Variants in ITGB5 observed in about 807,000 individuals in gnomAD.
ITGB5 encodes the protein integrin beta-5.
In ITGB5, 38 loss-of-function variants were observed where a neutral mutation model predicts 84.8. The observed-to-expected ratio is 0.45, with a 90% CI of 0.35 to 0.59. The LOEUF is 0.59. ITGB5 is among the 20% of genes least tolerant of loss of function. The pLI is 0.01. For synonymous variants in ITGB5, 393 were observed against 414.4 expected (o/e 0.95, Z 0.63); for missense variants, 905 against 1,034.5 (o/e 0.87, Z 1.72).
rs1226141549 is a variant in ITGB5 at position 124,809,021 on chromosome 3, C to T, written c.1263+1G>A. 1.2e-6 allele frequency: 2 copies of T among 1,613,768 alleles called. No individual in the cohort carries two copies. The highest frequency in any genetic ancestry group is 2.7e-5 in the African/African-American group (2 of 74,912). On this transcript the variant is annotated splice_donor_variant, in intron 9 of 14. Coordinates refer to ENST00000296181, the MANE Select transcript of ITGB5 (RefSeq NM_002213.5). LOFTEE classifies it high-confidence loss of function. ...TCATACAAACTTGGGGTGAGACTTA[C>T]CGTGTCCCCAATCTTCAGACCCTCA...
At chr3:124,824,087 T>G (rs929897665) in intron 5 of ITGB5, among the ~76,000 whole-genome samples, 1 of 152,198 alleles carries the variant, frequency 6.6e-6, no homozygotes, top group Non-Finnish European at 1.5e-5. Context: ...ACAAGCTGAT[T>G]ATAATATTTA....
rs900650622 is a variant in ITGB5, at chr3:124,762,728, A to ACTCT, written c.*891_*894dup. The ACTCT allele has an allele frequency of 6.8e-6, 1 of 146,002 alleles. No homozygotes were observed. The highest frequency in any genetic ancestry group is 7.0e-5 in the Admixed American group (1 of 14,368). The allele number at this position is 146,002 out of a possible 1,614,324, so 9.0% of individuals were successfully genotyped here. A position where few individuals can be genotyped will look rare whatever the true frequency, so the allele number is the denominator to read the frequency against. On this transcript the variant is annotated 3_prime_UTR_variant, in exon 15 of 15. Coordinates refer to ENST00000296181, the MANE Select transcript of ITGB5 (RefSeq NM_002213.5). ...TGGTTTTTATGGTGTCTAGCCTGGA[A>ACTCT]CTCTCTGTCAGTAAAAGCTGGAAGG...
chr3:124,881,105 T>C (rs1174076925), intron 1 of ITGB5, among the ~76,000 whole-genome samples: 1 of 151,744 alleles, frequency 6.6e-6, no homozygotes, highest in Non-Finnish European at 1.5e-5. Flanking sequence ...TGCCTCAGCC[T>C]CCTGAGTAGC....
intron 10 of ITGB5, among the ~76,000 whole-genome samples, chr3:124,788,107 C>A (rs1170539361): frequency 1.3e-5 from 2 of 152,004 alleles, no homozygotes; most frequent in South Asian, 2.1e-4. Flanking sequence ...GCTATGTTAC[C>A]CAGGCTGGTT....
intron 11 of ITGB5, chr3:124,770,015 T>C (rs1342182183): frequency 6.6e-6 from 1 of 152,234 alleles, no homozygotes; most frequent in East Asian, 1.9e-4. Context: ...CTTTATATCA[T>C]CAAAACCAAG....
intron 6 of ITGB5, among the ~76,000 whole-genome samples, chr3:124,820,397 A>G (rs2064682662): frequency 6.6e-6 from 1 of 152,192 alleles, no homozygotes; most frequent in South Asian, 2.1e-4. Context: ...GGGTGCAGAA[A>G]GAGGAAGAAG....
intron 9 of ITGB5, among the ~76,000 whole-genome samples, chr3:124,805,794 G>T (rs2064392981): frequency 6.6e-6 from 1 of 151,760 alleles, no homozygotes; most frequent in African/African-American, 2.4e-5. Flanking sequence ...TTGAGCCTTT[G>T]AGCCATTATA....
At chr3:124,878,873 T>C (rs1016493997) in intron 1 of ITGB5, among the ~76,000 whole-genome samples, 3 of 152,184 alleles carry the variant, frequency 2.0e-5, no homozygotes, top group African/African-American at 7.2e-5. Context: ...GTCTAGGTCA[T>C]GGAAACAGGA....
At chr3:124,880,122 G>A (rs148001376) in intron 1 of ITGB5, among the ~76,000 whole-genome samples, 1,963 of 152,230 alleles carry the variant, frequency 0.013, 57 homozygotes, top group African/African-American at 0.043. Context: ...TCTGACCAGT[G>A]CTTCTTAAAA....
At chr3:124,875,557 T>C (rs1934270957) in intron 1 of ITGB5, among the ~76,000 whole-genome samples, 1 of 151,672 alleles carries the variant, frequency 6.6e-6, no homozygotes, top group South Asian at 2.1e-4. Context: ...CTGTACACTG[T>C]TGGTGGGAAT....
chr3:124,813,763 C>T (rs1004238126), intron 8 of ITGB5, among the ~76,000 whole-genome samples: 1 of 152,196 alleles, frequency 6.6e-6, no homozygotes, highest in Admixed American at 6.5e-5. Flanking sequence ...TCCAGGCCTT[C>T]TGGGTTTTCA....
intron 2 of ITGB5, among the ~76,000 whole-genome samples, chr3:124,861,163 G>A (rs1443468757): frequency 6.6e-6 from 1 of 151,978 alleles, no homozygotes; most frequent in Non-Finnish European, 1.5e-5. Flanking sequence ...CTAAGCCTAC[G>A]GTATGTTTGT....
intron 7 of ITGB5, among the ~76,000 whole-genome samples, chr3:124,817,997 G>A (rs1405158438): frequency 3.3e-5 from 5 of 152,148 alleles, no homozygotes; most frequent in Middle Eastern, 6.8e-3. Context: ...CCCCTCCCAC[G>A]GTAACAGACA....
At chr3:124,888,646 C>G (rs1391995290), upstream of ITGB5, among the ~76,000 whole-genome samples, 3 of 152,168 alleles carry the variant, frequency 2.0e-5, no homozygotes, top group Admixed American at 1.3e-4. Flanking sequence ...GTTGAGGAAC[C>G]GAGGGACAGA....
chr3:124,886,694 C>T (rs1025806185), intron 1 of ITGB5, among the ~76,000 whole-genome samples: 9 of 151,970 alleles, frequency 5.9e-5, no homozygotes, highest in South Asian at 4.1e-4. Context: ...CCTGTTTACA[C>T]AGGAAGGGAA....
chr3:124,780,906 A>T (rs2063995940), intron 10 of ITGB5, among the ~76,000 whole-genome samples: 1 of 152,096 alleles, frequency 6.6e-6, no homozygotes, highest in Non-Finnish European at 1.5e-5. Flanking sequence ...CATCACCCAA[A>T]GTCAGATTTC....
intron 5 of ITGB5, among the ~76,000 whole-genome samples, chr3:124,824,971 G>A (rs1289600083): frequency 6.6e-6 from 1 of 152,162 alleles, no homozygotes; most frequent in Non-Finnish European, 1.5e-5. Context: ...GGCCGAGGTG[G>A]GTGGATCACG....
At chr3:124,798,347 A>G (rs1195031801) in intron 9 of ITGB5, among the ~76,000 whole-genome samples, 4 of 151,670 alleles carry the variant, frequency 2.6e-5, no homozygotes, top group Non-Finnish European at 4.4e-5. Flanking sequence ...TACTGCGCCC[A>G]GTCATTAAAG....
At chr3:124,835,161 T>C (rs112075131) in intron 5 of ITGB5, among the ~76,000 whole-genome samples, 3,371 of 151,890 alleles carry the variant, frequency 0.022, 107 homozygotes, top group African/African-American at 0.077. Context: ...ACGCAAACTC[T>C]CCCACGTGCC....
Sources: allele counts gnomAD v4.1 joint callset (sites outside exome capture counted in the v4.1 genomes callset), GRCh38; gene constraint gnomAD v4.1.1; transcripts MANE v1.5; gene names NCBI Gene and HGNC (gene_info 2026-07-23, HGNC 2026-07-21).